The following ERI3 variants were observed in gnomAD, a reference collection of about 807,000 sequenced individuals.
ERI3 encodes the protein ERI1 exoribonuclease family member 3, also known as ERI1 exoribonuclease 3.
ERI3 carries 18 observed loss-of-function variants against 44.4 expected under a neutral mutation model. The observed-to-expected ratio is 0.41, with a 90% CI of 0.28 to 0.60. ERI3 has a LOEUF of 0.60. Among genes scored for constraint, ERI3 ranks in the 20% least tolerant of loss-of-function variants. The pLI is 0.36. For missense variants in ERI3, 294 were observed against 435.5 expected (o/e 0.68, Z 2.89); for synonymous variants, 183 against 164.8 (o/e 1.11, Z -0.84).
rs761268228 is a variant in ERI3, at chr1:44,319,687, T to C, written c.547A>G (p.Thr183Ala). 1.9e-6 allele frequency: 3 copies of C among 1,614,130 alleles called. No individual in the cohort carries two copies. Among genetic ancestry groups the C allele is most frequent in the Non-Finnish European group, 2.5e-6 (3 of 1,180,008 alleles). Residue 183 changes from threonine (T) to alanine (A), a missense_variant, in exon 4 of 9, where the codon ACC becomes GCC. This residue lies in a region of ERI3 where 187 missense variants were observed against 338.6 expected (regional missense o/e 0.55). Coordinates refer to ENST00000372257, the MANE Select transcript of ERI3 (RefSeq NM_024066.3). The part of the protein sequence containing the change: ...LNGRTMEIES[T>A]FHMYVQPVVH... ...ACAGGCTGGACATACATGTGAAAGG[T>C]AGACTCAATCTCCATGGTCCGGCCA...
intron 7 of ERI3, among the ~76,000 whole-genome samples, chr1:44,259,352 C>G (rs567700335): frequency 1.9e-4 from 29 of 152,100 alleles, no homozygotes; most frequent in Admixed American, 7.2e-4. Context: ...ATGCTAAGGC[C>G]TGGAAGGAAT....
At chr1:44,285,017 T>C (rs1284710262) in intron 6 of ERI3, 110 bp from the exon 7 acceptor site, 1 of 904,766 alleles carries the variant, frequency 1.1e-6, no homozygotes, top group East Asian at 2.6e-5. Flanking sequence ...CCTCAAAAGG[T>C]CAACCCATTA....
In ERI3 at chr1:44,343,967, G is replaced by A. The variant is rs1304353097; in HGVS notation, c.212-4645C>T. 2.6e-5 allele frequency among the ~76,000 whole-genome samples: 4 copies of A among 152,040 alleles called. No homozygotes were observed. In the East Asian group the frequency reaches 7.8e-4, roughly 29 times the overall value. On this transcript the variant is annotated intron_variant, in intron 2 of 8. Coordinates refer to ENST00000372257, the MANE Select transcript of ERI3 (RefSeq NM_024066.3). ...TTGTTTTTTAAAATCAGCTGGGTGG[G>A]GTGGCTCACATCTGTAATCCCAGCA...
chr1:44,298,740 C>T (rs1645662123), intron 6 of ERI3, among the ~76,000 whole-genome samples: 1 of 152,058 alleles, frequency 6.6e-6, no homozygotes, highest in Non-Finnish European at 1.5e-5. Flanking sequence ...CATGGCAAAA[C>T]CCCGTCTCCA....
chr1:44,305,381 A>G (rs1032907421), intron 6 of ERI3, among the ~76,000 whole-genome samples: 8 of 152,228 alleles, frequency 5.3e-5, no homozygotes, highest in Admixed American at 6.5e-5. Context: ...AAACAACACC[A>G]AACCCTATGG....
intron 6 of ERI3, among the ~76,000 whole-genome samples, chr1:44,301,154 T>C (rs145798007): frequency 2.0e-5 from 3 of 152,320 alleles, no homozygotes; most frequent in East Asian, 3.9e-4. Flanking sequence ...CGCTGCCTTC[T>C]TGGGGCTAAC....
At chr1:44,224,462 C>A (rs1019952827) in intron 8 of ERI3, among the ~76,000 whole-genome samples, 21 of 152,236 alleles carry the variant, frequency 1.4e-4, no homozygotes, top group African/African-American at 4.8e-4. Flanking sequence ...ATCTTAATTT[C>A]ACCCACTGGC....
chr1:44,321,276 C>T (rs1297235476), intron 3 of ERI3, among the ~76,000 whole-genome samples: 3 of 152,128 alleles, frequency 2.0e-5, no homozygotes, highest in South Asian at 4.1e-4. Flanking sequence ...GCCTTGTCTC[C>T]GTGGGCTGAT....
chr1:44,328,777 G>A (rs949798274), intron 3 of ERI3, among the ~76,000 whole-genome samples: 1 of 152,174 alleles, frequency 6.6e-6, no homozygotes, highest in South Asian at 2.1e-4. Context: ...CTGACCAAAT[G>A]AGAATCAGAG....
intron 7 of ERI3, among the ~76,000 whole-genome samples, chr1:44,271,075 C>T (rs896504876): frequency 2.6e-5 from 4 of 152,212 alleles, no homozygotes; most frequent in African/African-American, 9.7e-5. Context: ...CCCTGGCCCA[C>T]GGGCTCCCTC....
chr1:44,317,089 G>A (rs1462254356), intron 4 of ERI3, among the ~76,000 whole-genome samples: 1 of 152,092 alleles, frequency 6.6e-6, no homozygotes, highest in Non-Finnish European at 1.5e-5. Context: ...CACTGAGCCT[G>A]CTTCTCTCCC....
intron 3 of ERI3, among the ~76,000 whole-genome samples, chr1:44,337,923 A>G (rs1646568466): frequency 6.6e-6 from 1 of 152,160 alleles, no homozygotes; most frequent in South Asian, 2.1e-4. Flanking sequence ...CACACTCTAT[A>G]ACCTAACCCT....
chr1:44,300,764 A>C (rs1232298496), intron 6 of ERI3, among the ~76,000 whole-genome samples: 2 of 152,142 alleles, frequency 1.3e-5, no homozygotes, highest in African/African-American at 4.8e-5. Context: ...GTTTGTGAGT[A>C]GGCTAGCCCC....
At chr1:44,224,209 C>G (rs983117537) in intron 8 of ERI3, among the ~76,000 whole-genome samples, 1 of 152,224 alleles carries the variant, frequency 6.6e-6, no homozygotes, top group East Asian at 1.9e-4. Flanking sequence ...TACAGCCAAA[C>G]TGATCTTTCT....
chr1:44,275,174 T>C (rs898021853), intron 7 of ERI3, among the ~76,000 whole-genome samples: 2 of 152,136 alleles, frequency 1.3e-5, no homozygotes, highest in Non-Finnish European at 2.9e-5. Context: ...TGTTTTTTTT[T>C]CCAAGTTAGC....
intron 7 of ERI3, among the ~76,000 whole-genome samples, chr1:44,251,013 TAAGCA>T (rs2154318497): frequency 1.3e-5 from 2 of 152,280 alleles, no homozygotes; most frequent in African/African-American, 4.8e-5. Flanking sequence ...GGGGCCACCC[TAAGCA>T]TAGTACCAGG....
intron 7 of ERI3, among the ~76,000 whole-genome samples, chr1:44,265,172 T>C (rs1442195995): frequency 1.3e-5 from 2 of 152,128 alleles, no homozygotes; most frequent in East Asian, 3.9e-4. Context: ...GGAGTCAGTG[T>C]TGAGTCTGCT....
chr1:44,223,445 T>C (rs1643953296), intron 8 of ERI3, among the ~76,000 whole-genome samples: 1 of 151,936 alleles, frequency 6.6e-6, no homozygotes. Flanking sequence ...GAGACTATGA[T>C]AGGGTGATTT....
intron 6 of ERI3, among the ~76,000 whole-genome samples, chr1:44,298,369 T>G (rs1645653224): frequency 6.6e-6 from 1 of 151,960 alleles, no homozygotes; most frequent in Non-Finnish European, 1.5e-5. Context: ...GGAATTAGAT[T>G]TGAAAGGGTG....
Sources: allele counts gnomAD v4.1 joint callset (sites outside exome capture counted in the v4.1 genomes callset), GRCh38; gene constraint gnomAD v4.1.1; regional missense constraint gnomAD v4.1.1; transcripts MANE v1.5; gene names NCBI Gene and HGNC (gene_info 2026-07-23, HGNC 2026-07-21).